Variants in DHRS9 observed in about 807,000 individuals in gnomAD.
DHRS9 encodes dehydrogenase/reductase 9.
Under a neutral mutation model 26.6 loss-of-function variants are expected in DHRS9, and 18 were observed. The ratio of observed to expected loss-of-function variants is 0.68; its 90% CI spans 0.47 to 1.00. DHRS9 has a LOEUF of 1.00. Among genes scored for constraint, DHRS9 ranks in the 50% least tolerant of loss-of-function variants. The pLI is 0.00. For missense variants in DHRS9, 425 were observed against 378.7 expected (o/e 1.12, Z -1.01); for synonymous variants, 134 against 141.1 (o/e 0.95, Z 0.36).
At chr2:169,084,441 A>G (rs1487329103) in intron 3 of DHRS9, among the ~76,000 whole-genome samples, 1 of 152,142 alleles carries the variant, frequency 6.6e-6, no homozygotes, top group African/African-American at 2.4e-5. Flanking sequence ...GGTTGTACTA[A>G]TTTACATTCC....
intron 4 of DHRS9, among the ~76,000 whole-genome samples, chr2:169,094,517 A>C (rs748584644): frequency 1.3e-5 from 2 of 150,502 alleles, no homozygotes; most frequent in Non-Finnish European, 3.0e-5. Context: ...AATGTCAAGA[A>C]GTATTTCCTT....
At chr2:169,079,896 AGGGAGGGAGGGAGGGAGGGAGGGG>A (rs1558951411) in intron 1 of DHRS9, among the ~76,000 whole-genome samples, 2 of 69,994 alleles carry the variant, frequency 2.9e-5, no homozygotes, top group East Asian at 5.4e-4. Context: ...AGAGAGAGAG[AGGGAGGGAGGGAGGGAGGGAGGGG>A]GAGAGAGAGA....
chr2:169,087,108 T>G (rs1684376170), intron 3 of DHRS9, among the ~76,000 whole-genome samples: 2 of 152,154 alleles, frequency 1.3e-5, no homozygotes, highest in African/African-American at 4.8e-5. Context: ...AGAGATGCCA[T>G]GTGGAAGCCA....
intron 1 of DHRS9, among the ~76,000 whole-genome samples, chr2:169,073,781 A>G (rs1022086916): frequency 6.6e-6 from 1 of 152,228 alleles, no homozygotes; most frequent in Non-Finnish European, 1.5e-5. Context: ...CATTAAAAAA[A>G]GAAACTCATC....
At chr2:169,072,580 C>G (rs1343803255) in intron 1 of DHRS9, 1 of 984,918 alleles carries the variant, frequency 1.0e-6, no homozygotes, top group Non-Finnish European at 1.2e-6. Context: ...ACTAGGAAAA[C>G]AAACTCAGGA....
rs199672898 is a variant in DHRS9, at chr2:169,083,478, G to A, written c.463G>A (p.Ala155Thr). The stretch of plus-strand genomic sequence containing the variant: ...AAATATGCTTCCTTTGGTCAAGAAA[G>A]CTCAAGGGAGAGTTATTAATGTCTC... ...TLNMLPLVKK[A>T]QGRVINVSSV... Residue 155 changes from alanine (A) to threonine (T), a missense_variant, in exon 3 of 5, where the codon GCT (alanine) becomes ACT (threonine). Transcript: ENST00000674881. 6.2e-7 allele frequency: 1 copy of A among 1,614,156 alleles called. No homozygotes were observed. The highest frequency in any genetic ancestry group is 8.5e-7 in the Non-Finnish European group (1 of 1,180,002).
At chr2:169,067,953 T>G (rs1683692126), upstream of DHRS9, among the ~76,000 whole-genome samples, 4 of 152,352 alleles carry the variant, frequency 2.6e-5, no homozygotes, top group South Asian at 8.3e-4. Flanking sequence ...ATTTCCAATA[T>G]GCAAATCAGT....
intron 3 of DHRS9, among the ~76,000 whole-genome samples, chr2:169,084,156 C>T (rs181326685): frequency 1.3e-5 from 2 of 152,264 alleles, no homozygotes; most frequent in Admixed American, 1.3e-4. Context: ...CAAGTTGTTG[C>T]AAATGACAGG....
intron 1 of DHRS9, among the ~76,000 whole-genome samples, chr2:169,072,187 A>G (rs1019834637): frequency 5.3e-5 from 8 of 152,198 alleles, no homozygotes; most frequent in African/African-American, 1.9e-4. Flanking sequence ...AGAGAACTCC[A>G]AAAAGAGAAT....
intron 1 of DHRS9, chr2:169,072,441 A>G (rs1683835782): frequency 1.3e-5 from 3 of 232,316 alleles, no homozygotes; most frequent in Non-Finnish European, 2.1e-5. Flanking sequence ...CATTGCTTAT[A>G]AAAAGTATAC....
At chr2:169,081,945 G>A in intron 2 of DHRS9, 51 bp downstream of exon 2, 2 of 1,511,346 alleles carry the variant, frequency 1.3e-6, no homozygotes, top group African/African-American at 1.4e-5. Context: ...GGATAGGGAG[G>A]TAACCAAAGC....
intron 3 of DHRS9, among the ~76,000 whole-genome samples, chr2:169,086,136 G>A (rs1034810531): frequency 3.3e-5 from 5 of 151,510 alleles, no homozygotes; most frequent in Non-Finnish European, 2.9e-5. Context: ...CCCTTTTGAG[G>A]CTATTTTTTA....
intron 1 of DHRS9, among the ~76,000 whole-genome samples, chr2:169,072,263 TTCA>T (rs1368347495): frequency 2.6e-5 from 4 of 152,196 alleles, no homozygotes; most frequent in Non-Finnish European, 5.9e-5. Flanking sequence ...TAGTTGTTGA[TTCA>T]ACTTGGGCCA....
chr2:169,076,137 A>AC (rs112837077), intron 1 of DHRS9, among the ~76,000 whole-genome samples: 4,990 of 152,234 alleles, frequency 0.033, 215 homozygotes, highest in East Asian at 0.13. Flanking sequence ...TCTAAGGAAA[A>AC]ATTTCCATTT....
intron 3 of DHRS9, among the ~76,000 whole-genome samples, chr2:169,091,224 TATAAAATAAAATAAA>T (rs56686443): frequency 0.17 from 20,823 of 120,884 alleles, 1,916 homozygotes; most frequent in Middle Eastern, 0.25. Flanking sequence ...TGCAGCATGA[TATAAAATAAAATAAA>T]ATAAAATAAA....
intron 1 of DHRS9, chr2:169,070,187 T>A (rs1667213647): frequency 1.0e-6 from 1 of 985,440 alleles, no homozygotes; most frequent in Non-Finnish European, 1.2e-6. Context: ...TTTACATGAA[T>A]ACACACACAT....
At chr2:169,078,494 A>G (rs1193591464) in intron 1 of DHRS9, among the ~76,000 whole-genome samples, 3 of 152,238 alleles carry the variant, frequency 2.0e-5, no homozygotes, top group Admixed American at 1.3e-4. Flanking sequence ...GCAAAACGCT[A>G]TATTAGTTGA....
intron 4 of DHRS9, among the ~76,000 whole-genome samples, chr2:169,094,218 C>T (rs143255199): frequency 6.6e-6 from 1 of 152,228 alleles, no homozygotes; most frequent in East Asian, 1.9e-4. Context: ...ACCTGTTGGC[C>T]ATTTGTATCT....
intron 3 of DHRS9, among the ~76,000 whole-genome samples, chr2:169,086,125 G>C (rs1003618358): frequency 1.3e-5 from 2 of 151,376 alleles, no homozygotes; most frequent in African/African-American, 4.9e-5. Flanking sequence ...ACTCAGATTT[G>C]CCCTTTTGAG....
Sources: gnomAD v4.1 joint callset for allele counts (sites outside exome capture counted in the v4.1 genomes callset) on GRCh38, gnomAD v4.1.1 for gene constraint, MANE v1.5 for transcripts, NCBI Gene and HGNC (gene_info 2026-07-23, HGNC 2026-07-21) for gene names.